NRXN3: variants seen among roughly 807,000 people sequenced by gnomAD.
The protein encoded by NRXN3 is neurexin 3, also known as neurexin III.
In NRXN3, 32 loss-of-function variants were observed where a neutral mutation model predicts 137.6. The observed-to-expected ratio is 0.23, with a 90% confidence interval of 0.18 to 0.31. NRXN3 has a LOEUF of 0.31. Among genes scored for constraint, NRXN3 ranks in the 10% least tolerant of loss-of-function variants. NRXN3 has a pLI of 1.00. For synonymous variants in NRXN3, 798 were observed against 784.5 expected, an observed-to-expected ratio of 1.02 and a Z score of -0.29; for missense variants, 1,574 against 2,062.5, an observed-to-expected ratio of 0.76 and a Z score of 4.59.
At chr14:78,458,910 A>C (rs1352103141) in intron 4 of NRXN3, among the ~76,000 whole-genome samples, 1 of 152,218 alleles carries the variant, frequency 6.6e-6, no homozygotes, top group Non-Finnish European at 1.5e-5. Context: ...GGAGAGGGGA[A>C]TCCTACATCA....
Position 78,310,260 on chromosome 14 carries a change from C to CTTT in NRXN3, c.757+12420_757+12422dup, listed in dbSNP as rs201314931. ...ATCCTGAGAGTCTGGTTATGAATGGCTTTTTTTTTTTTTTTTTTTTTTCCA... is the reference window on the plus strand; with the variant it reads ...ATCCTGAGAGTCTGGTTATGAATGGCTTTTTTTTTTTTTTTTTTTTTTTTTCCA... On this transcript the variant is annotated intron_variant, in intron 4 of 20. Coordinates refer to ENST00000335750, the MANE Select transcript of NRXN3 (RefSeq NM_001330195.2). Among the ~76,000 whole-genome samples the CTTT allele has an allele frequency of 1.4e-3, 182 of 125,678 alleles. 4 individuals carry two copies. The highest frequency in any genetic ancestry group is 5.2e-3 in the African/African-American group (171 of 32,840). The allele number at this position is 125,678 out of a possible 152,430, so 82.4% of individuals were successfully genotyped here.
At chr14:79,117,831 G>T (rs2054721952) in intron 15 of NRXN3, among the ~76,000 whole-genome samples, 1 of 152,192 alleles carries the variant, frequency 6.6e-6, no homozygotes, top group South Asian at 2.1e-4. Flanking sequence ...ATAAGAAACA[G>T]TCATTGTTGG....
intron 4 of NRXN3, among the ~76,000 whole-genome samples, chr14:78,537,627 G>C (rs958103363): frequency 3.9e-5 from 6 of 152,170 alleles, no homozygotes; most frequent in African/African-American, 1.4e-4. Flanking sequence ...GATCCCATTT[G>C]CCTATTTTGG....
At chr14:79,179,095 A>C (rs1408880147) in intron 15 of NRXN3, among the ~76,000 whole-genome samples, 1 of 152,124 alleles carries the variant, frequency 6.6e-6, no homozygotes, top group East Asian at 1.9e-4. Context: ...TGCTGATAGC[A>C]CTCACTTCTC....
At chr14:79,359,612 C>A (rs1286968935) in intron 15 of NRXN3, among the ~76,000 whole-genome samples, 1 of 150,780 alleles carries the variant, frequency 6.6e-6, no homozygotes, top group Admixed American at 6.6e-5. Context: ...GCTCTGTCGC[C>A]CAGGCTGGAG....
chr14:78,789,970 A>G (rs2098800383), intron 8 of NRXN3, among the ~76,000 whole-genome samples: 1 of 152,152 alleles, frequency 6.6e-6, no homozygotes, highest in South Asian at 2.1e-4. Context: ...GACAGAGAAC[A>G]TGCTATTTGT....
At chr14:78,312,008 G>T (rs942755878) in intron 4 of NRXN3, among the ~76,000 whole-genome samples, 1 of 152,082 alleles carries the variant, frequency 6.6e-6, no homozygotes, top group Non-Finnish European at 1.5e-5. Flanking sequence ...GCACAATCGG[G>T]ACTTAGAACA....
intron 20 of NRXN3, among the ~76,000 whole-genome samples, chr14:79,805,569 A>T (rs999986748): frequency 6.6e-5 from 10 of 152,182 alleles, no homozygotes; most frequent in Non-Finnish European, 1.2e-4. Context: ...TTGGAATGAC[A>T]TCAAGAAAGG....
intron 8 of NRXN3, among the ~76,000 whole-genome samples, chr14:78,785,435 T>C (rs2098786079): frequency 1.3e-5 from 2 of 152,218 alleles, no homozygotes; most frequent in South Asian, 4.1e-4. Flanking sequence ...TAGCAATATT[T>C]CTCAGGCTGG....
rs755231880 is a variant in NRXN3 at position 78,416,652 on chromosome 14, T to C, written c.757+118792T>C. 1.3e-4 allele frequency among the ~76,000 whole-genome samples: 20 copies of C among 152,252 alleles called. 1 individual carries two copies. The highest frequency in any genetic ancestry group is 2.9e-4 in the Non-Finnish European group (20 of 68,044). On this transcript the variant is annotated intron_variant, in intron 4 of 20. Coordinates refer to ENST00000335750, the MANE Select transcript of NRXN3 (RefSeq NM_001330195.2). ...TATTTTATTGCAGAATTGCGTCTTA[T>C]AGTAATAACTAATGCATGCCATTGG...
intron 1 of NRXN3, among the ~76,000 whole-genome samples, chr14:78,215,185 T>C (rs2063131729): frequency 6.6e-6 from 1 of 152,236 alleles, no homozygotes; most frequent in African/African-American, 2.4e-5. Context: ...TTGCTGATCC[T>C]GTTCCCGAGC....
chr14:78,772,510 CTAA>C (rs1567267962), intron 8 of NRXN3, among the ~76,000 whole-genome samples: 1 of 152,124 alleles, frequency 6.6e-6, no homozygotes. Flanking sequence ...CAACTATCTG[CTAA>C]TAAGTGTCAA....
At chr14:78,531,101 G>T (rs1599978214) in intron 4 of NRXN3, among the ~76,000 whole-genome samples, 1 of 151,394 alleles carries the variant, frequency 6.6e-6, no homozygotes, top group South Asian at 2.1e-4. Flanking sequence ...CTTTCTTTTT[G>T]CCCCTTTTAT....
intron 16 of NRXN3, among the ~76,000 whole-genome samples, chr14:79,639,499 A>C (rs1384842268): frequency 9.9e-5 from 15 of 151,586 alleles, no homozygotes; most frequent in African/African-American, 3.6e-4. Context: ...GGAGTTGTTT[A>C]AATATGTGTC....
At chr14:79,297,000 C>T (rs1199930929) in intron 15 of NRXN3, among the ~76,000 whole-genome samples, 2 of 152,192 alleles carry the variant, frequency 1.3e-5, no homozygotes, top group African/African-American at 4.8e-5. Flanking sequence ...CCCAACCATT[C>T]ATATTCACCA....
chr14:79,292,141 C>T (rs1472362774), intron 15 of NRXN3, among the ~76,000 whole-genome samples: 3 of 152,090 alleles, frequency 2.0e-5, no homozygotes, highest in Admixed American at 6.6e-5. Flanking sequence ...GAACAGTTCC[C>T]GGATACTGAA....
intron 15 of NRXN3, among the ~76,000 whole-genome samples, chr14:79,095,239 C>T (rs1388731424): frequency 6.6e-6 from 1 of 152,060 alleles, no homozygotes; most frequent in Non-Finnish European, 1.5e-5. Flanking sequence ...TGAGCTTTTA[C>T]CAATTTAACT....
Position 78,235,026 on chromosome 14 carries a change from G to GTATA in NRXN3, c.-703-7357_-703-7354dup, listed in dbSNP as rs377371263. 8.7e-3 allele frequency among the ~76,000 whole-genome samples: 753 copies of GTATA among 86,880 alleles called. 13 individuals carry two copies. The highest frequency in any genetic ancestry group is 0.034 in the African/African-American group (685 of 20,192). 57.0% of individuals were successfully genotyped at this position (86,880 alleles called of 152,430 possible). On this transcript the variant is annotated intron_variant, in intron 1 of 20. Coordinates refer to ENST00000335750, the MANE Select transcript of NRXN3 (RefSeq NM_001330195.2). Reference sequence around the variant, plus strand: ...TATATATATATATATATATATATGTGTATATATATATGTGTGTGTGTGTGT... The same window carrying GTATA: ...TATATATATATATATATATATATGTGTATATATATATATATGTGTGTGTGTGTGT...
At chr14:78,718,486 C>T (rs952329421) in intron 8 of NRXN3, among the ~76,000 whole-genome samples, 4 of 152,114 alleles carry the variant, frequency 2.6e-5, no homozygotes, top group African/African-American at 9.7e-5. Context: ...GAGACAATTC[C>T]TGGATCAAAG....
Sources: allele counts gnomAD v4.1 joint callset (sites outside exome capture counted in the v4.1 genomes callset), GRCh38; gene constraint gnomAD v4.1.1; transcripts MANE v1.5; gene names NCBI Gene and HGNC (gene_info 2026-07-23, HGNC 2026-07-21).